FYN: variants seen among roughly 807,000 people sequenced by gnomAD.
FYN encodes FYN proto-oncogene, Src family tyrosine kinase, also known as tyrosine-protein kinase Fyn.
In FYN, 10 loss-of-function variants were observed where a neutral mutation model predicts 70.2. That is an observed-to-expected ratio of 0.14 (90% CI 0.09 to 0.24). FYN has a LOEUF of 0.24. Ranked by LOEUF, FYN falls within the 10% of genes least tolerant of loss-of-function variation. The pLI, the probability that FYN is intolerant of heterozygous loss-of-function variation, is 1.00. For missense variants in FYN, 319 were observed against 673.1 expected (o/e 0.47, Z 5.82); for synonymous variants, 236 against 248.6 (o/e 0.95, Z 0.48).
intron 3 of FYN, among the ~76,000 whole-genome samples, chr6:111,760,114 C>T (rs1210084846): frequency 6.6e-6 from 1 of 152,020 alleles, no homozygotes; most frequent in Non-Finnish European, 1.5e-5. Context: ...GTCACCCATA[C>T]CGTACTGTGA....
At chr6:111,820,953 C>T (rs1345065303) in intron 2 of FYN, among the ~76,000 whole-genome samples, 1 of 152,072 alleles carries the variant, frequency 6.6e-6, no homozygotes, top group African/African-American at 2.4e-5. Context: ...GAAAAGACAA[C>T]TATCCAGGGG....
At chr6:111,688,762 G>A (rs953104897) in intron 12 of FYN, among the ~76,000 whole-genome samples, 2 of 152,166 alleles carry the variant, frequency 1.3e-5, no homozygotes, top group African/African-American at 4.8e-5. Flanking sequence ...GAGAGGCAGC[G>A]CAGAGGCAGG....
Position 111,687,642 on chromosome 6 carries a change from CAGAG to C in FYN, c.1273+6729_1273+6732del, listed in dbSNP as rs374882686. Among the ~76,000 whole-genome samples, 380 of 144,180 alleles carry C rather than the reference CAGAG, an allele frequency of 2.6e-3. 1 individual carries two copies. Among genetic ancestry groups the C allele is most frequent in the African/African-American group, 8.9e-3 (342 of 38,410 alleles). The allele number at this position is 144,180 out of a possible 152,430, so 94.6% of individuals were successfully genotyped here. A position where few individuals can be genotyped will look rare whatever the true frequency, so the allele number is the denominator to read the frequency against. On this transcript the variant is annotated intron_variant, in intron 12 of 13. Coordinates refer to ENST00000354650, the MANE Select transcript of FYN (RefSeq NM_002037.5). ...TGTGTGTGTGTGTGTATGTGTGTGT[CAGAG>C]AGAGAGAGAGAGAGAAACACAGCTA...
chr6:111,687,605 G>GTGTGT (rs1554274338), intron 12 of FYN, among the ~76,000 whole-genome samples: 1 of 143,364 alleles, frequency 7.0e-6, no homozygotes, highest in Non-Finnish European at 1.5e-5. Context: ...GGGGTGGGTG[G>GTGTGT]GTGTGTGTGT....
chr6:111,666,521 C>T (rs991239002), intron 13 of FYN, among the ~76,000 whole-genome samples: 1 of 152,168 alleles, frequency 6.6e-6, no homozygotes, highest in Non-Finnish European at 1.5e-5. Flanking sequence ...GAAAACAGGC[C>T]ATTGTGGTGG....
chr6:111,733,887 A>C (rs1038963880), intron 3 of FYN, among the ~76,000 whole-genome samples: 1 of 152,144 alleles, frequency 6.6e-6, no homozygotes, highest in African/African-American at 2.4e-5. Context: ...CAGGAATTGG[A>C]GACCAGCCTG....
intron 5 of FYN, among the ~76,000 whole-genome samples, chr6:111,711,390 G>A (rs1800369252): frequency 1.3e-5 from 2 of 152,212 alleles, no homozygotes; most frequent in South Asian, 4.1e-4. Flanking sequence ...GTCTTGAAAT[G>A]TGAAAACAAG....
At chr6:111,781,110 T>C (rs1032162742) in intron 2 of FYN, 2 of 152,160 alleles carry the variant, frequency 1.3e-5, no homozygotes, top group African/African-American at 2.4e-5. Flanking sequence ...ACTGACCTCA[T>C]AGGGTTGCTA....
Position 111,660,578 on chromosome 6 carries a change from A to G in FYN, c.*1161T>C, listed in dbSNP as rs1224896224. 6.6e-6 allele frequency: 1 copy of G among 152,334 alleles called. No individual in the cohort carries two copies. The highest frequency in any genetic ancestry group is 2.4e-5 in the African/African-American group (1 of 41,586). 9.4% of individuals were successfully genotyped at this position (152,334 alleles called of 1,614,324 possible). A position where few individuals can be genotyped will look rare whatever the true frequency, so the allele number is the denominator to read the frequency against. On this transcript the variant is annotated 3_prime_UTR_variant, in exon 14 of 14. Coordinates refer to ENST00000354650, the MANE Select transcript of FYN (RefSeq NM_002037.5). ...TTTTTGTGCATCCCCATGAAATGTA[A>G]AGTAGTGCATAGTTATTCCACTGGA... is the stretch of plus-strand genomic sequence containing the variant.
At chr6:111,741,733 T>C (rs1801979436) in intron 3 of FYN, among the ~76,000 whole-genome samples, 1 of 152,192 alleles carries the variant, frequency 6.6e-6, no homozygotes, top group South Asian at 2.1e-4. Context: ...GTCCAGTGTA[T>C]TTTTCACTAC....
At chr6:111,690,450 T>C (rs1388669193) in intron 12 of FYN, among the ~76,000 whole-genome samples, 2 of 152,216 alleles carry the variant, frequency 1.3e-5, no homozygotes, top group Non-Finnish European at 2.9e-5. Flanking sequence ...GAAAGTAAGA[T>C]CTTCCCAAGT....
rs191066170 is a variant in FYN, at chr6:111,801,458, C to T, written c.-81-20823G>A. Among the ~76,000 whole-genome samples the T allele has an allele frequency of 2.3e-3, 355 of 152,292 alleles. 3 individuals carry two copies. Among genetic ancestry groups the T allele is most frequent in the South Asian group, 0.015 (72 of 4,826 alleles). On this transcript the variant is annotated intron_variant, in intron 2 of 13. Coordinates refer to ENST00000354650, the MANE Select transcript of FYN (RefSeq NM_002037.5). Reference sequence around the variant, plus strand: ...GAAGCAGAATAAATGCCAATTCTTACGACATGTAGTTTAATTGAACAAATA... The same window carrying T: ...GAAGCAGAATAAATGCCAATTCTTATGACATGTAGTTTAATTGAACAAATA...
At chr6:111,796,440 T>C (rs1179226078) in intron 2 of FYN, among the ~76,000 whole-genome samples, 3 of 152,190 alleles carry the variant, frequency 2.0e-5, no homozygotes, top group Admixed American at 6.5e-5. Context: ...GGCTATACCA[T>C]AGAGACTAGG....
intron 3 of FYN, among the ~76,000 whole-genome samples, chr6:111,755,796 T>A (rs1583411144): frequency 2.6e-5 from 4 of 152,274 alleles, no homozygotes; most frequent in Admixed American, 2.6e-4. Flanking sequence ...GAAGAAATAA[T>A]TATGGTAATT....
chr6:111,851,432 G>A (rs568218330), intron 1 of FYN, among the ~76,000 whole-genome samples: 6 of 152,044 alleles, frequency 3.9e-5, no homozygotes, highest in African/African-American at 4.8e-5. Context: ...CAGCACCTCC[G>A]CCTTGCACAT....
intron 3 of FYN, among the ~76,000 whole-genome samples, chr6:111,732,716 A>C (rs958570319): frequency 1.2e-4 from 18 of 152,300 alleles, no homozygotes; most frequent in African/African-American, 4.3e-4. Context: ...TGAATCCTTC[A>C]AAAGGGAGCT....
chr6:111,775,412 G>A, intron 3 of FYN, among the ~76,000 whole-genome samples: 1 of 152,168 alleles, frequency 6.6e-6, no homozygotes. Flanking sequence ...TTTTCTTAGT[G>A]AGCAAGTGAT....
At chr6:111,761,541 T>A (rs62413684) in intron 3 of FYN, among the ~76,000 whole-genome samples, 18,462 of 152,210 alleles carry the variant, frequency 0.12, 1,892 homozygotes, top group African/African-American at 0.28. Context: ...AGGTTGTTAT[T>A]GAAAATGCCT....
intron 3 of FYN, among the ~76,000 whole-genome samples, chr6:111,776,934 C>T (rs1770964361): frequency 6.6e-6 from 1 of 152,182 alleles, no homozygotes; most frequent in South Asian, 2.1e-4. Context: ...TACCAAAATA[C>T]TCAATCTCAA....
Sources: gnomAD v4.1 joint callset for allele counts (sites outside exome capture counted in the v4.1 genomes callset) on GRCh38, gnomAD v4.1.1 for gene constraint, MANE v1.5 for transcripts, NCBI Gene and HGNC (gene_info 2026-07-23, HGNC 2026-07-21) for gene names.